Variants in ZNF257 observed in about 807,000 individuals in gnomAD.
ZNF257 encodes the protein zinc finger protein 257, also known as bone marrow zinc finger 4.
A neutral mutation model predicts 11.9 loss-of-function variants in ZNF257; 12 were observed. That is an observed-to-expected ratio of 1.01 (90% CI 0.65 to 1.63). The LOEUF (loss-of-function observed/expected upper bound fraction) is 1.63. ZNF257 is among the 40% of genes most tolerant of loss of function. The pLI, the probability that ZNF257 is intolerant of heterozygous loss-of-function variation, is 0.00. For missense variants in ZNF257, 580 were observed against 665.5 expected (o/e 0.87, Z 1.41); for synonymous variants, 183 against 222.7 (o/e 0.82, Z 1.59).
At chr19:22,063,330 G>A (rs1347769423) in intron 1 of ZNF257, among the ~76,000 whole-genome samples, 2 of 151,642 alleles carry the variant, frequency 1.3e-5, no homozygotes, top group African/African-American at 4.8e-5. Flanking sequence ...TTGATCTTTT[G>A]TATAGTTTTA....
intron 3 of ZNF257, among the ~76,000 whole-genome samples, 179 bp from the exon 4 acceptor site, chr19:22,087,798 A>AACC (rs2022509133): frequency 2.0e-5 from 3 of 152,158 alleles, no homozygotes; most frequent in African/African-American, 7.2e-5. Context: ...TTTTCCAAAA[A>AACC]TGTGTTTTGG....
At chr19:22,060,291 T>G (rs1343938730) in intron 1 of ZNF257, among the ~76,000 whole-genome samples, 2 of 152,200 alleles carry the variant, frequency 1.3e-5, no homozygotes, top group Admixed American at 1.3e-4. Flanking sequence ...AGCATTCCTT[T>G]TACAACCTTA....
chr19:22,080,604 A>AT (rs147989821), intron 3 of ZNF257, among the ~76,000 whole-genome samples: 21,160 of 151,700 alleles, frequency 0.14, 1,602 homozygotes, highest in Middle Eastern at 0.2. Flanking sequence ...TTTTAAATAA[A>AT]TTATCTACTA....
At chr19:22,064,543 C>T (rs2021890916) in intron 1 of ZNF257, among the ~76,000 whole-genome samples, 1 of 152,048 alleles carries the variant, frequency 6.6e-6, no homozygotes, top group Non-Finnish European at 1.5e-5. Context: ...ATGATAAAGA[C>T]TAAAAGATAC....
intron 1 of ZNF257, among the ~76,000 whole-genome samples, chr19:22,062,484 CTTT>C (rs34616431): frequency 1.8e-4 from 24 of 136,512 alleles, no homozygotes; most frequent in Admixed American, 2.9e-4. Flanking sequence ...TTCTTTCTTT[CTTT>C]TTTTTTTTTT....
At position 22,088,276 on chromosome 19, in the gene ZNF257, A is replaced by G. The variant is rs1488087047; in HGVS notation, c.526A>G (p.Lys176Glu). 1 of 1,613,592 alleles carries G rather than the reference A, an allele frequency of 6.2e-7. No individual in the cohort carries two copies. Among genetic ancestry groups the G allele is most frequent in the Non-Finnish European group, 8.5e-7 (1 of 1,179,762 alleles). The change falls in exon 4 of 4, where the codon AAA (lysine) becomes GAA (glutamate). Residue 176 changes from lysine (K) to glutamate (E), a missense_variant. Transcript: ENST00000594947. ...TACTGAAAAGAAAACTTGCAAATGTAAAGAATGTGGCAAATCATTTTGCAT... is the reference window on the plus strand; with the variant it reads ...TACTGAAAAGAAAACTTGCAAATGTGAAGAATGTGGCAAATCATTTTGCAT... Reference protein sequence around the residue: ...RHTEKKTCKCKECGKSFCMLS... With the variant: ...RHTEKKTCKCEECGKSFCMLS...
chr19:22,077,450 T>C (rs2022254116), intron 3 of ZNF257, among the ~76,000 whole-genome samples: 4 of 152,152 alleles, frequency 2.6e-5, no homozygotes. Context: ...TTACCCTCTC[T>C]CCAGCCCTCA....
chr19:22,073,407 A>T, intron 2 of ZNF257, 62 bp from the exon 3 acceptor site: 3 of 1,519,778 alleles, frequency 2.0e-6, no homozygotes, highest in Non-Finnish European at 2.7e-6. Flanking sequence ...TATTGAGCAC[A>T]TTACTAAGTT....
chr19:22,071,160 C>T (rs1320081271), intron 1 of ZNF257, among the ~76,000 whole-genome samples: 10 of 152,104 alleles, frequency 6.6e-5, no homozygotes, highest in Non-Finnish European at 1.5e-5. Context: ...TTGGGAGAGA[C>T]AAGGCAGTGT....
intron 3 of ZNF257, chr19:22,075,548 G>C (rs58807927): frequency 0.048 from 7,264 of 152,294 alleles, 615 homozygotes; most frequent in African/African-American, 0.17. Flanking sequence ...AAAGGATTTT[G>C]AAATAATTAC....
At chr19:22,054,647 T>C (rs1568477895) in intron 1 of ZNF257, among the ~76,000 whole-genome samples, 1 of 152,204 alleles carries the variant, frequency 6.6e-6, no homozygotes, top group Non-Finnish European at 1.5e-5. Context: ...GTAAATACTT[T>C]CCATGGGAAG....
At position 22,091,347 on chromosome 19, in the gene ZNF257, C is replaced by G. The variant is rs1007731081; in HGVS notation, c.*1905C>G. 6.7e-6 allele frequency: 1 copy of G among 149,310 alleles called. No homozygotes were observed. Among genetic ancestry groups the G allele is most frequent in the Non-Finnish European group, 1.5e-5 (1 of 67,758 alleles). The allele number at this position is 149,310 out of a possible 1,614,324, so 9.2% of individuals were successfully genotyped here. On this transcript the variant is annotated 3_prime_UTR_variant, in exon 4 of 4. Transcript: ENST00000594947. ...TGGTGGTGGGTGCCTGAAATCCCAGCTATTTGGGAGATTGAGGCAAGAGAA... is the reference window on the plus strand; with the variant it reads ...TGGTGGTGGGTGCCTGAAATCCCAGGTATTTGGGAGATTGAGGCAAGAGAA...
At chr19:22,073,994 T>G (rs1487678523) in intron 3 of ZNF257, among the ~76,000 whole-genome samples, 2 of 152,166 alleles carry the variant, frequency 1.3e-5, no homozygotes, top group African/African-American at 2.4e-5. Flanking sequence ...TTAATTTTTC[T>G]GCACATTTCA....
chr19:22,085,418 C>T (rs1032951021), intron 3 of ZNF257, among the ~76,000 whole-genome samples: 4 of 152,098 alleles, frequency 2.6e-5, no homozygotes, highest in South Asian at 2.1e-4. Context: ...TTGACCTAAC[C>T]GGTGGTCTAT....
At chr19:22,071,852 C>T (rs2022110954) in intron 1 of ZNF257, among the ~76,000 whole-genome samples, 1 of 152,020 alleles carries the variant, frequency 6.6e-6, no homozygotes, top group Admixed American at 6.6e-5. Context: ...GAGGTTCCAT[C>T]TGTGTTCTTC....
chr19:22,054,993 C>T (rs558965765), intron 1 of ZNF257, among the ~76,000 whole-genome samples: 50 of 150,550 alleles, frequency 3.3e-4, no homozygotes, highest in African/African-American at 1.1e-3. Context: ...AGGTGGCTGC[C>T]CCAGGGCTGA....
chr19:22,088,583 T>G lies in ZNF257; in HGVS notation c.833T>G (p.Ile278Ser), dbSNP rs544558394. The G allele has an allele frequency of 4.7e-5, 75 of 1,612,498 alleles. No individual in the cohort carries two copies. Among genetic ancestry groups the G allele is most frequent in the Non-Finnish European group, 5.8e-5 (68 of 1,179,734 alleles). Residue 278 changes from isoleucine (I) to serine (S), a missense_variant, in exon 4 of 4, where the codon ATT (isoleucine) becomes AGT (serine). Physicochemically the swap from Ile to Ser is moderately radical, Grantham distance 142 (BLOSUM62 -2). Coordinates refer to ENST00000594947, the MANE Select transcript of ZNF257 (RefSeq NM_033468.4). ...TCACACATTACTCAACATAAGAGAA[T>G]TCATAATAGAGAGAAGCCCTTCAAA... ...RSSHITQHKR[I>S]HNREKPFKYD...
intron 3 of ZNF257, chr19:22,075,599 G>T (rs1243383761): frequency 2.0e-5 from 3 of 152,210 alleles, no homozygotes; most frequent in Non-Finnish European, 4.4e-5. Context: ...AGTAGCGTTG[G>T]CCATTTCCTG....
intron 3 of ZNF257, among the ~76,000 whole-genome samples, chr19:22,083,967 C>T (rs1005491699): frequency 6.6e-6 from 1 of 151,944 alleles, no homozygotes. Flanking sequence ...TGGTGAAACC[C>T]CGTCTCAACT....
Sources: gnomAD v4.1 joint callset for allele counts (sites outside exome capture counted in the v4.1 genomes callset) on GRCh38, gnomAD v4.1.1 for gene constraint, MANE v1.5 for transcripts, NCBI Gene and HGNC (gene_info 2026-07-23, HGNC 2026-07-21) for gene names.